CEP112: variants seen among roughly 807,000 people sequenced by gnomAD.
The protein encoded by CEP112 is centrosomal protein 112, also known as centrosomal protein of 112 kDa.
Under a neutral mutation model 153.0 loss-of-function variants are expected in CEP112, and 127 were observed. That is an observed-to-expected ratio of 0.83 (90% CI 0.72 to 0.96). The LOEUF is 0.96. Among genes scored for constraint, CEP112 ranks in the 40% least tolerant of loss-of-function variants. The pLI is 0.00. For synonymous variants in CEP112, 358 were observed against 374.4 expected (o/e 0.96, Z 0.51); for missense variants, 1,089 against 1,101.2 (o/e 0.99, Z 0.16).
chr17:65,643,146 C>A (rs574547784), intron 24 of CEP112, among the ~76,000 whole-genome samples: 1 of 151,998 alleles, frequency 6.6e-6, no homozygotes. Flanking sequence ...TGAAGGAGTC[C>A]CAAGAGGGGC....
chr17:65,828,299 CT>C (rs374134461), intron 21 of CEP112, among the ~76,000 whole-genome samples: 2 of 152,342 alleles, frequency 1.3e-5, no homozygotes, highest in African/African-American at 4.8e-5. Context: ...AGGTGTGCCC[CT>C]GGGACTGTTT....
rs538210815 is a variant in CEP112 at position 65,661,268 on chromosome 17, C to T, written c.2698-20203G>A. ...ACACCCTCCCACAGCCTTCTAGTCA[C>T]GGTAACCAACCCTTCCACTAAAATG... On this transcript the variant is annotated intron_variant, in intron 24 of 26. Coordinates refer to ENST00000535342, the MANE Select transcript of CEP112 (RefSeq NM_001199165.4). Among the ~76,000 whole-genome samples the T allele has an allele frequency of 1.1e-4, 16 of 152,278 alleles. 1 individual carries two copies. Among genetic ancestry groups the T allele is most frequent in the South Asian group, 4.1e-4 (2 of 4,824 alleles).
intron 8 of CEP112, among the ~76,000 whole-genome samples, chr17:66,073,614 T>G (rs1416094739): frequency 6.6e-6 from 1 of 152,150 alleles, no homozygotes; most frequent in Admixed American, 6.6e-5. Flanking sequence ...ACCTGGGAAT[T>G]CAGCTGAAAC....
intron 11 of CEP112, among the ~76,000 whole-genome samples, chr17:66,055,258 G>A (rs1186838988): frequency 6.6e-6 from 1 of 152,158 alleles, no homozygotes; most frequent in Non-Finnish European, 1.5e-5. Context: ...CTAGTTTCTA[G>A]CTGAATAGGA....
intron 24 of CEP112, among the ~76,000 whole-genome samples, chr17:65,679,917 A>G (rs557624730): frequency 3.4e-4 from 52 of 152,366 alleles, no homozygotes; most frequent in African/African-American, 1.2e-3. Flanking sequence ...GAGTCGTCTA[A>G]TATTACCCGA....
At chr17:66,126,513 TAG>T (rs1393844541) in intron 6 of CEP112, among the ~76,000 whole-genome samples, 1 of 151,978 alleles carries the variant, frequency 6.6e-6, no homozygotes, top group Admixed American at 6.6e-5. Context: ...GCTTGTGACT[TAG>T]AGAGTCAGAC....
chr17:65,672,599 T>C (rs1370582515), intron 24 of CEP112, among the ~76,000 whole-genome samples: 2 of 152,200 alleles, frequency 1.3e-5, no homozygotes, highest in Non-Finnish European at 2.9e-5. Context: ...AGTACCACTA[T>C]TAATTCATTT....
intron 21 of CEP112, among the ~76,000 whole-genome samples, chr17:65,796,117 C>T (rs1399068944): frequency 6.6e-6 from 1 of 152,184 alleles, no homozygotes; most frequent in African/African-American, 2.4e-5. Flanking sequence ...AGTTACATCT[C>T]TCCCAAGCTT....
At chr17:65,781,490 G>GA (rs1160087366) in intron 21 of CEP112, among the ~76,000 whole-genome samples, 10 of 150,556 alleles carry the variant, frequency 6.6e-5, no homozygotes, top group South Asian at 2.1e-4. Flanking sequence ...CACAGAATTG[G>GA]AAAAAAAACT....
chr17:65,704,444 C>T (rs1033742852), intron 23 of CEP112, among the ~76,000 whole-genome samples: 6 of 152,106 alleles, frequency 3.9e-5, no homozygotes, highest in East Asian at 1.9e-4. Context: ...CACACACACA[C>T]ACACACACAC....
At chr17:65,759,441 GGTA>G (rs1424951009) in intron 21 of CEP112, among the ~76,000 whole-genome samples, 2 of 151,882 alleles carry the variant, frequency 1.3e-5, no homozygotes, top group Non-Finnish European at 1.5e-5. Context: ...TGGCCAGCCT[GGTA>G]AAACTCCGCA....
At chr17:66,044,178 A>G (rs2066102957) in intron 12 of CEP112, among the ~76,000 whole-genome samples, 1 of 152,036 alleles carries the variant, frequency 6.6e-6, no homozygotes, top group Non-Finnish European at 1.5e-5. Context: ...CAAACTTATA[A>G]AAATTAAAAA....
chr17:66,059,472 T>C (rs933375641), intron 11 of CEP112, among the ~76,000 whole-genome samples: 1 of 151,756 alleles, frequency 6.6e-6, no homozygotes, highest in African/African-American at 2.4e-5. Flanking sequence ...ATAACCCCAT[T>C]AAAAAGTGGG....
At chr17:65,917,136 C>T (rs968596655) in intron 19 of CEP112, among the ~76,000 whole-genome samples, 11 of 152,146 alleles carry the variant, frequency 7.2e-5, no homozygotes, top group Non-Finnish European at 1.2e-4. Flanking sequence ...TGTGGTGTAG[C>T]TGCATTCCCT....
rs542246194 is a variant in CEP112, at chr17:65,665,686, A to C, written c.2697+23443T>G. On this transcript the variant is annotated intron_variant, in intron 24 of 26. Coordinates refer to ENST00000535342, the MANE Select transcript of CEP112 (RefSeq NM_001199165.4). Reference sequence around the variant, plus strand: ...AATTGGCTTTTGGTCACATAATTTGAGCTATTGGATTAAGCCTCCCCTGAA... The same window carrying C: ...AATTGGCTTTTGGTCACATAATTTGCGCTATTGGATTAAGCCTCCCCTGAA... Among the ~76,000 whole-genome samples, 6 of 152,320 alleles carry C rather than the reference A, an allele frequency of 3.9e-5. No homozygotes were observed. The East Asian group carries it at 1.2e-3, about 29-fold the overall frequency.
Position 65,950,742 on chromosome 17 carries a change from T to G in CEP112, c.1872+10721A>C, listed in dbSNP as rs1334275741. 1.8e-4 allele frequency among the ~76,000 whole-genome samples: 27 copies of G among 151,558 alleles called. No homozygotes were observed. The Admixed American group carries it at 1.8e-3, about 10-fold the overall frequency. The stretch of plus-strand genomic sequence containing the variant: ...GTAGTAGTAGTAGTAGTAGTAGTAT[T>G]TTGCCTTGATGCACTGGCTAGAAGT... On this transcript the variant is annotated intron_variant, in intron 18 of 26. Coordinates refer to ENST00000535342, the MANE Select transcript of CEP112 (RefSeq NM_001199165.4).
At chr17:65,741,269 T>A (rs1209189114) in intron 23 of CEP112, among the ~76,000 whole-genome samples, 1 of 152,072 alleles carries the variant, frequency 6.6e-6, no homozygotes, top group Non-Finnish European at 1.5e-5. Flanking sequence ...GTATTTTTTG[T>A]GATACAGCCT....
intron 4 of CEP112, among the ~76,000 whole-genome samples, chr17:66,144,911 T>C (rs1390607770): frequency 5.3e-5 from 8 of 152,156 alleles, no homozygotes; most frequent in East Asian, 3.8e-4. Context: ...CTGGGTCATA[T>C]GGTAAGTTGT....
At chr17:65,719,884 G>C (rs1286913440) in intron 23 of CEP112, among the ~76,000 whole-genome samples, 1 of 152,214 alleles carries the variant, frequency 6.6e-6, no homozygotes, top group African/African-American at 2.4e-5. Context: ...GGGCCGTGGG[G>C]ACCCAGTGAA....
Sources: allele counts gnomAD v4.1 joint callset (sites outside exome capture counted in the v4.1 genomes callset), GRCh38; gene constraint gnomAD v4.1.1; transcripts MANE v1.5; gene names NCBI Gene and HGNC (gene_info 2026-07-23, HGNC 2026-07-21).